The following PARP15 variants were observed in gnomAD, a reference collection of about 807,000 sequenced individuals.
PARP15 encodes the protein protein mono-ADP-ribosyltransferase PARP15.
Under a neutral mutation model 62.1 loss-of-function variants are expected in PARP15, and 50 were observed. The ratio of observed to expected loss-of-function variants is 0.81; its 90% CI spans 0.64 to 1.02. The LOEUF is 1.02. PARP15 is among the 50% of genes least tolerant of loss of function. The probability of loss-of-function intolerance (pLI) is 0.00; values close to 1 mark genes in which losing one functional copy is unlikely to be tolerated. For synonymous variants in PARP15, 309 were observed against 293.1 expected (o/e 1.05, Z -0.55); for missense variants, 820 against 826.5 (o/e 0.99, Z 0.10).
intron 1 of PARP15, among the ~76,000 whole-genome samples, chr3:122,584,453 C>G (rs756743597): frequency 1.3e-5 from 2 of 152,044 alleles, no homozygotes; most frequent in Admixed American, 6.6e-5. Flanking sequence ...AGTTACCATA[C>G]TTACCTTGTT....
intron 1 of PARP15, among the ~76,000 whole-genome samples, chr3:122,584,888 T>C (rs1933298425): frequency 6.6e-6 from 1 of 152,218 alleles, no homozygotes; most frequent in Non-Finnish European, 1.5e-5. Flanking sequence ...CATTTCCATT[T>C]TTCAAGAGAT....
chr3:122,627,270 G>C (rs1162860719), intron 9 of PARP15, among the ~76,000 whole-genome samples: 1 of 152,214 alleles, frequency 6.6e-6, no homozygotes, highest in Non-Finnish European at 1.5e-5. Flanking sequence ...TAAACAGGAA[G>C]AGAATGGAAG....
intron 1 of PARP15, among the ~76,000 whole-genome samples, chr3:122,579,503 C>T (rs2080754293): frequency 6.6e-6 from 1 of 152,096 alleles, no homozygotes; most frequent in Non-Finnish European, 1.5e-5. Flanking sequence ...TCAAGATGAG[C>T]TCCTGGCAAC....
At chr3:122,620,096 A>G (rs570104043) in intron 7 of PARP15, among the ~76,000 whole-genome samples, 1 of 152,290 alleles carries the variant, frequency 6.6e-6, no homozygotes, top group South Asian at 2.1e-4. Flanking sequence ...CTAATAATCC[A>G]GGCTCTGCCA....
chr3:122,584,061 T>C (rs1472197234), intron 1 of PARP15, among the ~76,000 whole-genome samples: 2 of 152,168 alleles, frequency 1.3e-5, no homozygotes, highest in East Asian at 1.9e-4. Context: ...TGTGGAGCAA[T>C]TGTAGCATTC....
At chr3:122,603,173 G>A (rs945128884) in intron 1 of PARP15, among the ~76,000 whole-genome samples, 2 of 152,130 alleles carry the variant, frequency 1.3e-5, no homozygotes, top group African/African-American at 4.8e-5. Flanking sequence ...AAGTTGCCAG[G>A]CCAGCACCAC....
At chr3:122,627,728 G>C (rs186512211) in intron 9 of PARP15, among the ~76,000 whole-genome samples, 1 of 152,310 alleles carries the variant, frequency 6.6e-6, no homozygotes, top group Non-Finnish European at 1.5e-5. Context: ...GCCATCAACA[G>C]CCTCCCTAAA....
chr3:122,594,694 T>C (rs983721418), intron 1 of PARP15: 1 of 927,364 alleles, frequency 1.1e-6, no homozygotes, highest in Non-Finnish European at 1.3e-6. Flanking sequence ...AAATCTATTT[T>C]CTTCTAATAT....
At chr3:122,625,589 G>A (rs765472008) in intron 8 of PARP15, among the ~76,000 whole-genome samples, 41 of 152,098 alleles carry the variant, frequency 2.7e-4, no homozygotes, top group Non-Finnish European at 5.0e-4. Flanking sequence ...TTAAAATGAG[G>A]CCATTAAGGT....
chr3:122,629,382 C>T (rs939589017), intron 9 of PARP15, among the ~76,000 whole-genome samples: 11 of 152,124 alleles, frequency 7.2e-5, no homozygotes, highest in Non-Finnish European at 1.5e-4. Context: ...ATCCACCCAC[C>T]GGCCTCTCAA....
At position 122,590,181 on chromosome 3, in the gene PARP15, C is replaced by T. The variant is rs532985278; in HGVS notation, c.186+12328C>T. 1.9e-4 allele frequency among the ~76,000 whole-genome samples: 25 copies of T among 135,030 alleles called. No homozygotes were observed. The South Asian group carries it at 2.6e-3, about 14-fold the overall frequency. 88.6% of individuals were successfully genotyped at this position (135,030 alleles called of 152,430 possible). Reference sequence around the variant, plus strand: ...GATTACAGGCATGGGCCACCGCACCCGGCCTGTAAAGCATAACTTTTTATC... The same window carrying T: ...GATTACAGGCATGGGCCACCGCACCTGGCCTGTAAAGCATAACTTTTTATC... On this transcript the variant is annotated intron_variant, in intron 1 of 11. Transcript: ENST00000464300.
At chr3:122,584,009 CATGTGGTAAGCCT>C (rs67942108) in intron 1 of PARP15, among the ~76,000 whole-genome samples, 81,171 of 151,540 alleles carry the variant, frequency 0.54, 22,577 homozygotes, top group Non-Finnish European at 0.62. Flanking sequence ...CACCGCTCTC[CATGTGGTAAGCCT>C]ATGTGGTAAG....
At chr3:122,633,653 G>T (rs1380675649) in intron 10 of PARP15, among the ~76,000 whole-genome samples, 1 of 152,006 alleles carries the variant, frequency 6.6e-6, no homozygotes, top group East Asian at 1.9e-4. Context: ...GTATATGGGA[G>T]GATTGTGTAG....
intron 8 of PARP15, 52 bp downstream of exon 8, chr3:122,621,663 G>C: frequency 6.7e-7 from 1 of 1,498,094 alleles, no homozygotes; most frequent in Non-Finnish European, 9.0e-7. Flanking sequence ...AATTCCTTTA[G>C]AATTAGTCTC....
chr3:122,583,695 A>G (rs6796740), intron 1 of PARP15, among the ~76,000 whole-genome samples: 56,414 of 151,924 alleles, frequency 0.37, 10,905 homozygotes, highest in Admixed American at 0.46. Flanking sequence ...TTAATCTATA[A>G]TTAATTTTTC....
intron 6 of PARP15, among the ~76,000 whole-genome samples, chr3:122,618,465 C>T (rs1365764468): frequency 6.6e-6 from 1 of 152,124 alleles, no homozygotes; most frequent in East Asian, 1.9e-4. Context: ...AAATTTAGTA[C>T]CTGCAGGCGA....
chr3:122,579,999 G>GTATGTGTATATA (rs1553725411), intron 1 of PARP15, among the ~76,000 whole-genome samples: 1 of 64,476 alleles, frequency 1.6e-5, no homozygotes, highest in African/African-American at 5.0e-5. Flanking sequence ...GCAACTATAT[G>GTATGTGTATATA]TATATATATA....
chr3:122,631,704 A>C (rs1937069112), intron 9 of PARP15, among the ~76,000 whole-genome samples: 1 of 152,256 alleles, frequency 6.6e-6, no homozygotes, highest in Non-Finnish European at 1.5e-5. Flanking sequence ...TTTTCAAAAA[A>C]TAGAAGAGAA....
chr3:122,615,440 T>G, intron 4 of PARP15: 1 of 1,257,488 alleles, frequency 8.0e-7, no homozygotes, highest in Non-Finnish European at 1.0e-6. Flanking sequence ...GCCTATTGGA[T>G]GTAGGAGATT....
Sources: allele counts gnomAD v4.1 joint callset (sites outside exome capture counted in the v4.1 genomes callset), GRCh38; gene constraint gnomAD v4.1.1; transcripts MANE v1.5; gene names NCBI Gene and HGNC (gene_info 2026-07-23, HGNC 2026-07-21).